The following GRM7 variants were observed in gnomAD, a reference collection of about 807,000 sequenced individuals.
GRM7 encodes the protein glutamate metabotropic receptor 7.
A neutral mutation model predicts 84.5 loss-of-function variants in GRM7; 35 were observed. The ratio of observed to expected loss-of-function variants is 0.41; its 90% CI spans 0.32 to 0.55. The LOEUF (loss-of-function observed/expected upper bound fraction) is 0.55, where lower values mean the gene tolerates loss of function less well. Ranked by LOEUF, GRM7 falls within the 20% of genes least tolerant of loss-of-function variation. The pLI is 0.19. For missense variants in GRM7, 1,003 were observed against 1,194.6 expected (o/e 0.84, Z 2.36); for synonymous variants, 487 against 455.1 (o/e 1.07, Z -0.89).
chr3:6,973,981 T>A lies in GRM7; in HGVS notation c.519+112074T>A, dbSNP rs553962598. Among the ~76,000 whole-genome samples, 130 of 152,300 alleles carry A rather than the reference T, an allele frequency of 8.5e-4. 1 individual carries two copies. The highest frequency in any genetic ancestry group is 1.5e-3 in the Non-Finnish European group (99 of 68,026). ...AGGGAAAACTGAACAGAGAGACCAG[T>A]TACCCAGCTCCTATAAAAAGCCAGG... is the stretch of plus-strand genomic sequence containing the variant. On this transcript the variant is annotated intron_variant, in intron 1 of 9. Coordinates refer to ENST00000357716, the MANE Select transcript of GRM7 (RefSeq NM_000844.4).
intron 6 of GRM7, among the ~76,000 whole-genome samples, chr3:7,458,866 T>A (rs1698126837): frequency 6.6e-6 from 1 of 152,224 alleles, no homozygotes; most frequent in South Asian, 2.1e-4. Flanking sequence ...TCAATAATAA[T>A]GTCTTCATGC....
At chr3:7,494,122 T>G (rs1699617564) in intron 7 of GRM7, among the ~76,000 whole-genome samples, 1 of 152,188 alleles carries the variant, frequency 6.6e-6, no homozygotes, top group Admixed American at 6.5e-5. Context: ...GATTCCTTCT[T>G]TTGTTATTTC....
chr3:7,541,591 T>G (rs1271584106), intron 7 of GRM7, among the ~76,000 whole-genome samples: 1 of 152,234 alleles, frequency 6.6e-6, no homozygotes, highest in African/African-American at 2.4e-5. Flanking sequence ...TGTTTTCCAC[T>G]GTCTTCTGTA....
chr3:7,408,603 G>A (rs1209950568), intron 4 of GRM7, among the ~76,000 whole-genome samples: 3 of 152,104 alleles, frequency 2.0e-5, no homozygotes, highest in African/African-American at 7.2e-5. Context: ...GATAGGAACT[G>A]GAATGGGGAA....
rs181348870 is a variant in GRM7 at position 7,486,276 on chromosome 3, T to C, written c.1515+24554T>C. ...AGTGTTTTTGCTTCCCAAGAAATGA[T>C]GGTAATGATAATGGCGATGATGGTG... On this transcript the variant is annotated intron_variant, in intron 7 of 9. Coordinates refer to ENST00000357716, the MANE Select transcript of GRM7 (RefSeq NM_000844.4). This position sits in a 1 kb window ranked among gnomAD's most constrained non-coding sequence, Gnocchi z 5.5. Among the ~76,000 whole-genome samples the C allele has an allele frequency of 7.2e-4, 110 of 152,306 alleles. No homozygotes were observed. The highest frequency in any genetic ancestry group is 2.5e-3 in the African/African-American group (102 of 41,564).
intron 1 of GRM7, among the ~76,000 whole-genome samples, chr3:7,015,786 A>G (rs1695541950): frequency 6.6e-6 from 1 of 152,292 alleles, no homozygotes; most frequent in East Asian, 1.9e-4. Flanking sequence ...GAGTGTCCTT[A>G]CAACATGGCT....
At position 7,146,681 on chromosome 3, in the gene GRM7, T is replaced by C; in HGVS notation, c.736+13T>C. On this transcript the variant is annotated intron_variant, in intron 2 of 9. Transcript: ENST00000357716. The stretch of plus-strand genomic sequence containing the variant: ...TCCAAAGAGGCAGGTAGGATGAGAT[T>C]GCTCTGATCAAGCTGGCTCTCTTCA... 1.3e-6 allele frequency: 2 copies of C among 1,587,378 alleles called. No individual in the cohort carries two copies. The highest frequency in any genetic ancestry group is 1.1e-5 in the South Asian group (1 of 90,646).
chr3:7,126,874 C>A (rs1172975536), intron 1 of GRM7, among the ~76,000 whole-genome samples: 1 of 152,164 alleles, frequency 6.6e-6, no homozygotes, highest in Non-Finnish European at 1.5e-5. Flanking sequence ...AGCCAATGAT[C>A]TAAATTTGTT....
intron 9 of GRM7, among the ~76,000 whole-genome samples, chr3:7,707,779 A>G (rs560291893): frequency 1.6e-4 from 25 of 152,202 alleles, no homozygotes; most frequent in African/African-American, 6.0e-4. Context: ...CTTTTCTTTA[A>G]CTATGGCCTC....
At position 7,188,239 on chromosome 3, in the gene GRM7, C is replaced by A. The variant is rs928452355; in HGVS notation, c.736+41571C>A. Among the ~76,000 whole-genome samples the A allele has an allele frequency of 2.6e-5, 4 of 152,062 alleles. No homozygotes were observed. The highest frequency in any genetic ancestry group is 9.7e-5 in the African/African-American group (4 of 41,412). ...CAAGAGGGAAGATCAGCATTATCAG[C>A]CTGCAGAAGAGCCAAAACTCCAGGC... On this transcript the variant is annotated intron_variant, in intron 2 of 9. Transcript: ENST00000357716. The surrounding 1 kb of genome is among the most constrained non-coding windows in gnomAD (Gnocchi z 4.2).
Position 7,604,795 on chromosome 3 carries a change from T to C in GRM7, c.2451+25438T>C, listed in dbSNP as rs1360976413. ...GTAAAGTAAAGGGACTCAATAAGAG[T>C]TTCTGAATTGAAGGTAGGAGAGTCC... is the stretch of plus-strand genomic sequence containing the variant. On this transcript the variant is annotated intron_variant, in intron 8 of 9. Transcript: ENST00000357716. Among the ~76,000 whole-genome samples, 4 of 151,812 alleles carry C rather than the reference T, an allele frequency of 2.6e-5. No individual in the cohort carries two copies. The East Asian group carries it at 7.7e-4, about 29-fold the overall frequency.
intron 9 of GRM7, among the ~76,000 whole-genome samples, chr3:7,720,744 C>T (rs557862784): frequency 6.6e-6 from 1 of 152,372 alleles, no homozygotes; most frequent in African/African-American, 2.4e-5. Context: ...TTGTCCATAA[C>T]TTTTTGGTAC....
chr3:7,563,767 A>G (rs1694138498), intron 7 of GRM7, among the ~76,000 whole-genome samples: 1 of 152,180 alleles, frequency 6.6e-6, no homozygotes, highest in Non-Finnish European at 1.5e-5. Flanking sequence ...CACGTGGGCA[A>G]TGGAGACATT....
chr3:7,426,800 A>C (rs1696629367), intron 5 of GRM7, among the ~76,000 whole-genome samples: 1 of 152,190 alleles, frequency 6.6e-6, no homozygotes, highest in African/African-American at 2.4e-5. Context: ...GAGTTTAACA[A>C]GTAGTTGTTG....
At chr3:7,568,981 G>T (rs887213748) in intron 7 of GRM7, among the ~76,000 whole-genome samples, 1 of 152,182 alleles carries the variant, frequency 6.6e-6, no homozygotes, top group Admixed American at 6.5e-5. Context: ...GAGTGCGGGC[G>T]CACATTGGGG....
intron 4 of GRM7, among the ~76,000 whole-genome samples, chr3:7,339,574 A>G (rs1701557781): frequency 6.6e-6 from 1 of 152,086 alleles, no homozygotes; most frequent in Admixed American, 6.6e-5. Flanking sequence ...TCCACCCTCC[A>G]TTAAAGTTGG....
chr3:7,718,742 C>G (rs1026951553), intron 9 of GRM7, among the ~76,000 whole-genome samples: 28 of 152,176 alleles, frequency 1.8e-4, no homozygotes, highest in African/African-American at 6.0e-4. Flanking sequence ...AGGTGGTTGA[C>G]ATATTGGCCT....
At chr3:7,265,831 T>C (rs1005967766) in intron 2 of GRM7, among the ~76,000 whole-genome samples, 1 of 152,326 alleles carries the variant, frequency 6.6e-6, no homozygotes, top group East Asian at 1.9e-4. Context: ...TCTTTTTCAG[T>C]TTCCACAAAT....
At chr3:7,220,984 C>T (rs1470194855) in intron 2 of GRM7, among the ~76,000 whole-genome samples, 1 of 152,030 alleles carries the variant, frequency 6.6e-6, no homozygotes, top group African/African-American at 2.4e-5. Flanking sequence ...TTCCCAGCTA[C>T]TCAGGAGGTT....
Sources: allele counts gnomAD v4.1 joint callset (sites outside exome capture counted in the v4.1 genomes callset), GRCh38; gene constraint gnomAD v4.1.1; non-coding constraint Gnocchi (gnomAD v3.1); transcripts MANE v1.5; gene names NCBI Gene and HGNC (gene_info 2026-07-23, HGNC 2026-07-21).